TAF1: variants seen among roughly 807,000 people sequenced by gnomAD.
TAF1 encodes transcription initiation factor TFIID subunit 1.
A neutral mutation model predicts 138.5 loss-of-function variants in TAF1; 2 were observed. The observed-to-expected ratio is 0.01, with a 90% confidence interval of 0.01 to 0.05. The LOEUF (loss-of-function observed/expected upper bound fraction) is 0.05. Among genes scored for constraint, TAF1 ranks in the 10% least tolerant of loss-of-function variants. The pLI is 1.00. For missense variants in TAF1, 709 were observed against 1,478.0 expected, an observed-to-expected ratio of 0.48 and a Z score of 8.53; for synonymous variants, 437 against 503.2, an observed-to-expected ratio of 0.87 and a Z score of 1.76.
Position 71,442,533 on chromosome X carries a change from G to A in TAF1, c.4754-11637G>A, listed in dbSNP as rs755516884. ...GGTTGTTTGATTTTTTCTTGTAAAT[G>A]TAAGTTTTTTGTAGATTCTGGATAT... On this transcript the variant is annotated intron_variant, in intron 32 of 37. Coordinates refer to ENST00000423759, the MANE Select transcript of TAF1 (RefSeq NM_004606.5). Among the ~76,000 whole-genome samples the A allele has an allele frequency of 5.4e-5, 6 of 110,697 alleles. No homozygotes were observed. The East Asian group carries it at 1.1e-3, about 21-fold the overall frequency.
intron 13 of TAF1, among the ~76,000 whole-genome samples, chrX:71,507,879 G>A (rs887430465): frequency 1.8e-5 from 2 of 109,974 alleles, no homozygotes; most frequent in Non-Finnish European, 3.8e-5. Context: ...GCCGGGCATG[G>A]TGGCTCACAC....
chrX:71,420,874 GC>G (rs1358664324), intron 28 of TAF1, among the ~76,000 whole-genome samples: 1 of 111,859 alleles, frequency 8.9e-6, no homozygotes, highest in Non-Finnish European at 1.9e-5. Flanking sequence ...AGTCCCCTAC[GC>G]CCCCCGGGGC....
intron 13 of TAF1, among the ~76,000 whole-genome samples, chrX:71,525,719 C>G (rs1381361079): frequency 9.1e-6 from 1 of 109,911 alleles, no homozygotes; most frequent in Non-Finnish European, 1.9e-5. Flanking sequence ...GTCGTGTGAT[C>G]TTGGCTCACT....
At chrX:71,377,359 G>A (rs1390793855) in intron 5 of TAF1, among the ~76,000 whole-genome samples, 168 bp downstream of exon 5, 1 of 111,461 alleles carries the variant, frequency 9.0e-6, no homozygotes, top group Non-Finnish European at 1.9e-5. Flanking sequence ...AAAGTTGTAT[G>A]TATTGATAGT....
intron 13 of TAF1, 36 bp downstream of exon 13, chrX:71,384,171 T>C (rs778574003): frequency 8.4e-7 from 1 of 1,190,960 alleles, no homozygotes; most frequent in Non-Finnish European, 1.1e-6. Flanking sequence ...TTCCCATACA[T>C]AATTCTGCTT....
intron 32 of TAF1, among the ~76,000 whole-genome samples, chrX:71,435,036 A>T (rs1462434805): frequency 8.9e-6 from 1 of 112,511 alleles, no homozygotes; most frequent in African/African-American, 3.2e-5. Flanking sequence ...CCAATAGGTG[A>T]TGCTGAGCTA....
At position 71,384,983 on chromosome X, in the gene TAF1, T is replaced by C. The variant is rs751909516; in HGVS notation, c.2160T>C (p.Tyr720=). The C allele has an allele frequency of 4.1e-6, 5 of 1,211,004 alleles. No individual in the cohort carries two copies. Among genetic ancestry groups the C allele is most frequent in the South Asian group, 1.8e-5 (1 of 56,838 alleles). ...GKDPGAPDCK[Y]GETVYCHTSP... is the part of the protein sequence containing the mutation. ...ATCCTGGAGCACCAGATTGTAAATATGGGGAAACTGTTTACTGCCATACAT... is the reference window on the plus strand; with the variant it reads ...ATCCTGGAGCACCAGATTGTAAATACGGGGAAACTGTTTACTGCCATACAT... The change falls in exon 14 of 38, where the codon TAT becomes TAC. Residue 720 remains tyrosine (Y), a synonymous_variant. Coordinates refer to ENST00000423759, the MANE Select transcript of TAF1 (RefSeq NM_004606.5).
chrX:71,429,355 A>G (rs969046937), intron 32 of TAF1, among the ~76,000 whole-genome samples: 2 of 111,304 alleles, frequency 1.8e-5, no homozygotes, highest in Non-Finnish European at 3.8e-5. Flanking sequence ...TGATGATGAT[A>G]ATAACTACTT....
intron 13 of TAF1, among the ~76,000 whole-genome samples, chrX:71,503,541 A>G (rs2039563354): frequency 9.1e-6 from 1 of 109,528 alleles, no homozygotes; most frequent in Non-Finnish European, 1.9e-5. Flanking sequence ...GCTGTGAGCC[A>G]TCCCCTTCCT....
At chrX:71,454,295 C>CA (rs1458061426) in intron 33 of TAF1, 58 bp downstream of exon 33, 6 of 1,068,544 alleles carry the variant, frequency 5.6e-6, no homozygotes, top group Non-Finnish European at 6.4e-6. Flanking sequence ...CCCATCTTTA[C>CA]AAAAAAAGAT....
At chrX:71,401,893 GA>G (rs1335981340) in intron 25 of TAF1, among the ~76,000 whole-genome samples, 154 bp downstream of exon 25, 1 of 111,626 alleles carries the variant, frequency 9.0e-6, no homozygotes, top group African/African-American at 3.3e-5. Context: ...TGCCAGTAAT[GA>G]AAATTATAGC....
intron 16 of TAF1, 27 bp from the exon 17 acceptor site, chrX:71,388,711 C>T (rs768321032): frequency 1.6e-5 from 19 of 1,209,102 alleles, no homozygotes; most frequent in Non-Finnish European, 1.9e-5. Flanking sequence ...AGAATGGTCT[C>T]ATTCTCTATG....
rs751992377 is a variant in TAF1 at position 71,408,063 on chromosome X, C to T, written c.4296C>T (p.Arg1432=). ...ITRPMDLQTL[R]ENVRKRLYPS... is the part of the protein sequence containing the mutation. ...GGCCAATGGACCTACAAACACTCCG[C>T]GAAAACGTGCGTAAACGCCTCTACC... is the stretch of plus-strand genomic sequence containing the variant. The change falls in exon 28 of 38, where the codon CGC becomes CGT. Residue 1432 remains arginine (R), a synonymous_variant. Transcript: ENST00000423759. The T allele has an allele frequency of 5.4e-5, 65 of 1,209,699 alleles. No homozygotes were observed. The Admixed American group carries it at 1.2e-3, about 23-fold the overall frequency.
chrX:71,385,693 C>T (rs1318942266), intron 14 of TAF1, among the ~76,000 whole-genome samples: 2 of 111,472 alleles, frequency 1.8e-5, no homozygotes, highest in African/African-American at 6.5e-5. Context: ...TGTTTATTCT[C>T]CTAAAGCATC....
In TAF1 at chrX:71,404,026, T is replaced by G. The variant is rs183910444; in HGVS notation, c.3998+2287T>G. Among the ~76,000 whole-genome samples the G allele has an allele frequency of 2.8e-5, 3 of 108,768 alleles. No individual in the cohort carries two copies. The East Asian group carries it at 8.7e-4, about 31-fold the overall frequency. 94.5% of individuals were successfully genotyped at this position (108,768 alleles called of 115,157 possible). A position where few individuals can be genotyped will look rare whatever the true frequency, so the allele number is the denominator to read the frequency against. On this transcript the variant is annotated intron_variant, in intron 25 of 37. Coordinates refer to ENST00000423759, the MANE Select transcript of TAF1 (RefSeq NM_004606.5). ...TCTTCCTCCTTTGCCCAGGCTGGAGTGCGGTGGCGCAATCTCGGCTCACTG... is the reference window on the plus strand; with the variant it reads ...TCTTCCTCCTTTGCCCAGGCTGGAGGGCGGTGGCGCAATCTCGGCTCACTG...
intron 32 of TAF1, among the ~76,000 whole-genome samples, chrX:71,452,913 C>T (rs2038090914): frequency 8.9e-6 from 1 of 112,239 alleles, no homozygotes; most frequent in African/African-American, 3.2e-5. Context: ...ATACGAAAAC[C>T]AGTCAGGCGT....
In TAF1 at chrX:71,378,285, T is replaced by G; in HGVS notation, c.984T>G (p.Asp328Glu). ...VESKFSQSTG[D>E]IDKVTDTKPR... is the part of the protein sequence containing the mutation. ...CCAAATTTTCCCAATCAACTGGAGA[T>G]ATAGATAAAGTGACAGATACCAAAC... Residue 328 changes from aspartate to glutamate, a missense_variant, in exon 7 of 38, where the codon GAT becomes GAG. By Grantham distance (45) the Asp-to-Glu change is conservative. This residue lies in a region of TAF1 where 201 missense variants were observed against 421.3 expected (regional missense o/e 0.48). Coordinates refer to ENST00000423759, the MANE Select transcript of TAF1 (RefSeq NM_004606.5). 5.8e-6 allele frequency: 7 copies of G among 1,211,677 alleles called. No homozygotes were observed. The highest frequency in any genetic ancestry group is 7.8e-6 in the Non-Finnish European group (7 of 895,519).
At chrX:71,485,350 G>T (rs1293619205) in intron 13 of TAF1, among the ~76,000 whole-genome samples, 1 of 111,765 alleles carries the variant, frequency 8.9e-6, no homozygotes, top group East Asian at 2.8e-4. Context: ...ATACCTAGGC[G>T]TGGAATTACG....
At position 71,484,356 on chromosome X, in the gene TAF1, G is replaced by A. The variant is rs1385440647; in HGVS notation, c.1366+23553G>A. Reference sequence around the variant, plus strand: ...AATTACTTTTTTTTTTTTTTGAGACGGGGTCTTGCTCTGTCACCCAAGCTG... The same window carrying A: ...AATTACTTTTTTTTTTTTTTGAGACAGGGTCTTGCTCTGTCACCCAAGCTG... On this transcript the variant is annotated intron_variant and NMD_transcript_variant, in intron 13 of 14. Coordinates refer to the TAF1 transcript ENST00000373775. 1.9e-5 allele frequency among the ~76,000 whole-genome samples: 2 copies of A among 104,384 alleles called. 1 individual carries two copies. Among genetic ancestry groups the A allele is most frequent in the South Asian group, 8.5e-4 (2 of 2,362 alleles). 90.6% of individuals were successfully genotyped at this position (104,384 alleles called of 115,157 possible).
Sources: gnomAD v4.1 joint callset for allele counts (sites outside exome capture counted in the v4.1 genomes callset) on GRCh38, gnomAD v4.1.1 for gene constraint, gnomAD v4.1.1 regional missense constraint, MANE v1.5 for transcripts, NCBI Gene and HGNC (gene_info 2026-07-23, HGNC 2026-07-21) for gene names.